LRP1B: variants seen among roughly 807,000 people sequenced by gnomAD.
LRP1B encodes the protein LDL receptor related protein 1B, also known as low-density lipoprotein receptor-related protein 1B.
In LRP1B, 217 loss-of-function variants were observed where a neutral mutation model predicts 556.6. The observed-to-expected ratio is 0.39, with a 90% CI of 0.35 to 0.44. The LOEUF (loss-of-function observed/expected upper bound fraction) is 0.44, where lower values mean the gene tolerates loss of function less well. LRP1B is among the 20% of genes least tolerant of loss of function. The probability of loss-of-function intolerance (pLI) is 1.00; values close to 1 mark genes in which losing one functional copy is unlikely to be tolerated. For synonymous variants in LRP1B, 2,047 were observed against 1,865.8 expected, an observed-to-expected ratio of 1.10 and a Z score of -2.50; for missense variants, 5,053 against 5,620.8, an observed-to-expected ratio of 0.90 and a Z score of 3.23.
chr2:140,420,087 A>T (rs1446286925), intron 66 of LRP1B, among the ~76,000 whole-genome samples: 1 of 151,986 alleles, frequency 6.6e-6, no homozygotes, highest in African/African-American at 2.4e-5. Context: ...AACATATGAA[A>T]ATATATGAGC....
At position 140,714,779 on chromosome 2, in the gene LRP1B, A is replaced by G. The variant is rs1206040706; in HGVS notation, c.6023+1194T>C. Among the ~76,000 whole-genome samples the G allele has an allele frequency of 1.3e-5, 2 of 152,098 alleles. 1 individual carries two copies. The highest frequency in any genetic ancestry group is 6.3e-3 in the Middle Eastern group (2 of 316). ...TTATTACAGCCAGGCACGGTGGCTC[A>G]TGCCTGTAAGTCCAACACTGTGATT... On this transcript the variant is annotated intron_variant, in intron 37 of 90. Transcript: ENST00000389484.
intron 41 of LRP1B, among the ~76,000 whole-genome samples, chr2:140,613,352 A>AATAATTATATAAATATAAATATAT (rs1553498994): frequency 0.26 from 22,857 of 88,438 alleles, 5,224 homozygotes; most frequent in East Asian, 0.55. Context: ...TATAAATATA[A>AATAATTATATAAATATAAATATAT]ATAATTATAT....
chr2:140,735,939 G>A (rs771908712), intron 35 of LRP1B, among the ~76,000 whole-genome samples: 19 of 152,036 alleles, frequency 1.2e-4, no homozygotes, highest in Non-Finnish European at 2.5e-4. Context: ...GATCAAAGTG[G>A]GCTAGAATAT....
chr2:141,792,315 A>T (rs1408114322), intron 2 of LRP1B, among the ~76,000 whole-genome samples: 1 of 151,922 alleles, frequency 6.6e-6, no homozygotes, highest in Non-Finnish European at 1.5e-5. Flanking sequence ...GACATTCAAA[A>T]CTCAGAATCT....
intron 1 of LRP1B, among the ~76,000 whole-genome samples, chr2:141,970,444 T>C (rs1163516440): frequency 6.6e-6 from 1 of 151,548 alleles, no homozygotes; most frequent in Non-Finnish European, 1.5e-5. Context: ...ATAAACACCA[T>C]TTACCTGCTT....
chr2:141,481,286 C>T (rs1183607385), intron 2 of LRP1B, among the ~76,000 whole-genome samples: 1 of 152,106 alleles, frequency 6.6e-6, no homozygotes, highest in East Asian at 1.9e-4. Context: ...ATCCAAATTG[C>T]ATGTTATTTT....
chr2:141,181,501 A>G (rs565697215), intron 7 of LRP1B, among the ~76,000 whole-genome samples: 1 of 152,104 alleles, frequency 6.6e-6, no homozygotes, highest in East Asian at 1.9e-4. Context: ...TTGTGCACTC[A>G]GTAATTGAGA....
At chr2:141,909,282 T>C (rs982428807) in intron 1 of LRP1B, among the ~76,000 whole-genome samples, 1 of 152,034 alleles carries the variant, frequency 6.6e-6, no homozygotes, top group African/African-American at 2.4e-5. Context: ...ATTTTCACAA[T>C]ACAGGTAACT....
intron 60 of LRP1B, among the ~76,000 whole-genome samples, chr2:140,472,968 G>C (rs12612781): frequency 0.12 from 18,689 of 151,954 alleles, 1,458 homozygotes; most frequent in East Asian, 0.24. Flanking sequence ...TTAAAAAAGT[G>C]GCTAGTGATG....
At chr2:141,534,638 G>A (rs1356848415) in intron 2 of LRP1B, among the ~76,000 whole-genome samples, 2 of 152,034 alleles carry the variant, frequency 1.3e-5, no homozygotes, top group African/African-American at 2.4e-5. Context: ...TTGCAGTCAA[G>A]GTCTCATTTG....
At position 140,601,438 on chromosome 2, in the gene LRP1B, A is replaced by C. The variant is rs767796968; in HGVS notation, c.6989+12T>G. ...AACTATAATGAAGAAATAAAACTAC[A>C]CTGTTTCTTACTTTTGACATTCATC... On this transcript the variant is annotated intron_variant, in intron 42 of 90. Transcript: ENST00000389484. 2 of 1,574,508 alleles carry C rather than the reference A, an allele frequency of 1.3e-6. No homozygotes were observed. The highest frequency in any genetic ancestry group is 2.4e-5 in the South Asian group (2 of 84,938).
At chr2:141,966,292 A>G (rs1701564595) in intron 1 of LRP1B, among the ~76,000 whole-genome samples, 1 of 151,888 alleles carries the variant, frequency 6.6e-6, no homozygotes, top group Admixed American at 6.6e-5. Context: ...ACAAAACAGC[A>G]TCTAATATTC....
intron 43 of LRP1B, among the ~76,000 whole-genome samples, chr2:140,572,636 T>A (rs1482498933): frequency 6.6e-6 from 1 of 151,528 alleles, no homozygotes; most frequent in Non-Finnish European, 1.5e-5. Context: ...CTTATATCCA[T>A]GGGAAAGAAA....
At chr2:140,821,076 T>C (rs1042275407) in intron 31 of LRP1B, among the ~76,000 whole-genome samples, 8 of 152,116 alleles carry the variant, frequency 5.3e-5, no homozygotes, top group South Asian at 2.1e-4. Flanking sequence ...ATGAAAAACA[T>C]TGAGTGTTTT....
intron 31 of LRP1B, among the ~76,000 whole-genome samples, chr2:140,823,847 T>C (rs181880106): frequency 2.0e-5 from 3 of 151,950 alleles, no homozygotes; most frequent in African/African-American, 7.2e-5. Flanking sequence ...GAAAACCAAA[T>C]AACACATGTT....
rs151060719 is a variant in LRP1B, at chr2:141,820,004, A to G, written c.83-9603T>C. The stretch of plus-strand genomic sequence containing the variant: ...AATACTAGTATTCTGTTTTATTTTC[A>G]GGATGATAAATAGCTTTTTTAGTTA... On this transcript the variant is annotated intron_variant, in intron 1 of 90. Transcript: ENST00000389484. Among the ~76,000 whole-genome samples, 431 of 152,320 alleles carry G rather than the reference A, an allele frequency of 2.8e-3. 5 individuals carry two copies. Among genetic ancestry groups the G allele is most frequent in the African/African-American group, 9.8e-3 (408 of 41,570 alleles).
intron 31 of LRP1B, among the ~76,000 whole-genome samples, chr2:140,814,576 A>G (rs1208052308): frequency 6.6e-6 from 1 of 152,192 alleles, no homozygotes; most frequent in Non-Finnish European, 1.5e-5. Context: ...TAACTGATGA[A>G]ATTTATAATT....
intron 3 of LRP1B, among the ~76,000 whole-genome samples, chr2:141,380,508 C>T (rs1573879031): frequency 6.6e-6 from 1 of 152,160 alleles, no homozygotes. Context: ...CCTCCTGCCC[C>T]CAACTTTTCT....
intron 2 of LRP1B, among the ~76,000 whole-genome samples, chr2:141,517,381 A>T (rs72992746): frequency 0.033 from 4,990 of 151,624 alleles, 283 homozygotes; most frequent in African/African-American, 0.11. Context: ...CTCCTGGTTT[A>T]ACCCCTCAGC....
Sources: allele counts gnomAD v4.1 joint callset (sites outside exome capture counted in the v4.1 genomes callset), GRCh38; gene constraint gnomAD v4.1.1; transcripts MANE v1.5; gene names NCBI Gene and HGNC (gene_info 2026-07-23, HGNC 2026-07-21).